Variants in GRM1 observed in about 807,000 individuals in gnomAD.
GRM1 encodes metabotropic glutamate receptor 1.
A neutral mutation model predicts 90.9 loss-of-function variants in GRM1; 33 were observed. The observed-to-expected ratio is 0.36, with a 90% CI of 0.28 to 0.49. The LOEUF is 0.49. Ranked by LOEUF, GRM1 falls within the 20% of genes least tolerant of loss-of-function variation. The pLI, the probability that GRM1 is intolerant of heterozygous loss-of-function variation, is 0.99. For synonymous variants in GRM1, 700 were observed against 613.2 expected (o/e 1.14, Z -2.09); for missense variants, 1,190 against 1,534.3 (o/e 0.78, Z 3.75).
chr6:146,131,364 C>T (rs1776391387), intron 1 of GRM1, among the ~76,000 whole-genome samples: 1 of 151,868 alleles, frequency 6.6e-6, no homozygotes, highest in African/African-American at 2.4e-5. Flanking sequence ...GGTGTTATCC[C>T]CAAAATTAGG....
At chr6:146,139,460 T>A (rs1776751732) in intron 1 of GRM1, among the ~76,000 whole-genome samples, 1 of 152,188 alleles carries the variant, frequency 6.6e-6, no homozygotes, top group African/African-American at 2.4e-5. Flanking sequence ...TCTCTTTAGC[T>A]CTAATAACAT....
At chr6:146,376,681 T>C (rs1230170641) in intron 5 of GRM1, among the ~76,000 whole-genome samples, 1 of 152,168 alleles carries the variant, frequency 6.6e-6, no homozygotes, top group Non-Finnish European at 1.5e-5. Flanking sequence ...GTTGTTTCTT[T>C]GCTCTTGCTA....
chr6:146,225,146 CT>C (rs1352465371), intron 2 of GRM1, among the ~76,000 whole-genome samples: 1 of 152,150 alleles, frequency 6.6e-6, no homozygotes, highest in Non-Finnish European at 1.5e-5. Context: ...TGACCGATAT[CT>C]GGTCCACGGG....
chr6:146,049,651 A>ATATCTATC (rs143624231), intron 1 of GRM1, among the ~76,000 whole-genome samples: 2,092 of 147,562 alleles, frequency 0.014, 27 homozygotes, highest in Middle Eastern at 0.028. Flanking sequence ...ACCTCCTTTC[A>ATATCTATC]TATCTATCTA....
intron 2 of GRM1, among the ~76,000 whole-genome samples, chr6:146,286,280 G>A (rs1026982962): frequency 6.6e-6 from 1 of 151,950 alleles, no homozygotes; most frequent in African/African-American, 2.4e-5. Context: ...AAGAAAACTC[G>A]ATACATATAA....
intron 2 of GRM1, among the ~76,000 whole-genome samples, chr6:146,247,441 T>G (rs1020017818): frequency 2.9e-4 from 44 of 152,160 alleles, no homozygotes; most frequent in Admixed American, 1.6e-3. Flanking sequence ...GAATCAATGT[T>G]AAAGCAGTTT....
chr6:146,387,014 C>T lies in GRM1; in HGVS notation c.1727C>T (p.Thr576Ile), dbSNP rs760106769. The change falls in exon 6 of 8, where the codon ACA becomes ATA. Residue 576 changes from threonine (T) to isoleucine (I), a missense_variant and splice_region_variant. Coordinates refer to ENST00000282753, the MANE Select transcript of GRM1 (RefSeq NM_001278064.2). ...GGATGGTGGCCCAATGCAGATCTAA[C>T]AGGTAGGAACTGCCTCACTTGGAAA... Reference protein sequence around the residue: ...DLGWWPNADLTGCEPIPVRYL... With the variant: ...DLGWWPNADLIGCEPIPVRYL... 23 of 1,612,928 alleles carry T rather than the reference C, an allele frequency of 1.4e-5. No homozygotes were observed. The highest frequency in any genetic ancestry group is 1.9e-5 in the Non-Finnish European group (22 of 1,179,084).
intron 1 of GRM1, among the ~76,000 whole-genome samples, chr6:146,086,159 A>G (rs780229572): frequency 6.6e-6 from 1 of 152,106 alleles, no homozygotes; most frequent in Non-Finnish European, 1.5e-5. Flanking sequence ...TTTGGAAATG[A>G]TTACCAAGGA....
intron 1 of GRM1, among the ~76,000 whole-genome samples, chr6:146,150,797 A>G (rs1777296124): frequency 6.6e-6 from 1 of 152,186 alleles, no homozygotes; most frequent in African/African-American, 2.4e-5. Context: ...GAGTGAGAAT[A>G]TGCAATACTT....
chr6:146,038,876 T>G lies in GRM1; in HGVS notation c.700+8659T>G, dbSNP rs376250130. Among the ~76,000 whole-genome samples, 17 of 152,134 alleles carry G rather than the reference T, an allele frequency of 1.1e-4. No individual in the cohort carries two copies. The South Asian group carries it at 3.5e-3, about 32-fold the overall frequency. ...AGAGAAAAAAACTTTATGAAAGATT[T>G]TAAAAGGTTATATCAGGATATTGAA... is the stretch of plus-strand genomic sequence containing the variant. On this transcript the variant is annotated intron_variant, in intron 1 of 7. Transcript: ENST00000282753.
At chr6:146,211,229 A>C (rs1443019147) in intron 2 of GRM1, among the ~76,000 whole-genome samples, 2 of 152,064 alleles carry the variant, frequency 1.3e-5, no homozygotes, top group Non-Finnish European at 2.9e-5. Flanking sequence ...TCTTTGGCCC[A>C]GAGAGTTTTT....
chr6:146,172,040 G>T (rs150771062), intron 2 of GRM1, among the ~76,000 whole-genome samples: 2 of 151,910 alleles, frequency 1.3e-5, no homozygotes, highest in African/African-American at 4.8e-5. Context: ...GGTGGCAGAA[G>T]AGACAATAGA....
intron 1 of GRM1, among the ~76,000 whole-genome samples, chr6:146,079,577 C>T (rs939582296): frequency 6.6e-6 from 1 of 152,148 alleles, no homozygotes; most frequent in Admixed American, 6.6e-5. Context: ...TTTTCTTTAA[C>T]TCTATGAGAG....
chr6:146,426,288 A>G (rs932248184), intron 7 of GRM1, among the ~76,000 whole-genome samples: 11 of 152,058 alleles, frequency 7.2e-5, no homozygotes, highest in Non-Finnish European at 1.5e-4. Context: ...CAGTGGAGGG[A>G]AAGAGCAAAC....
At chr6:146,397,484 G>GAAAAAAAAAAAAA (rs577471775) in intron 6 of GRM1, among the ~76,000 whole-genome samples, 6 of 45,028 alleles carry the variant, frequency 1.3e-4, no homozygotes, top group Admixed American at 2.7e-4. Flanking sequence ...AAAAAAAAAA[G>GAAAAAAAAAAAAA]AAAAAAAAAA....
intron 1 of GRM1, among the ~76,000 whole-genome samples, chr6:146,088,218 T>A (rs1776609340): frequency 6.6e-6 from 1 of 152,150 alleles, no homozygotes; most frequent in Admixed American, 6.6e-5. Flanking sequence ...TGTGCTTATA[T>A]TTTATGTGTA....
At chr6:146,378,768 C>T (rs1388256174) in intron 5 of GRM1, among the ~76,000 whole-genome samples, 3 of 152,060 alleles carry the variant, frequency 2.0e-5, no homozygotes, top group African/African-American at 7.2e-5. Context: ...GTTGAGAAGG[C>T]ATAATAGGTC....
intron 1 of GRM1, among the ~76,000 whole-genome samples, chr6:146,035,984 A>G (rs556186748): frequency 3.4e-4 from 51 of 152,110 alleles, no homozygotes; most frequent in African/African-American, 1.2e-3. Flanking sequence ...ATCTTGCTGC[A>G]AATTTTATAA....
At chr6:146,095,703 T>A (rs948419636) in intron 1 of GRM1, among the ~76,000 whole-genome samples, 1 of 152,122 alleles carries the variant, frequency 6.6e-6, no homozygotes, top group Non-Finnish European at 1.5e-5. Flanking sequence ...AGGGTAGGTT[T>A]CAATAAATGT....
Sources: allele counts gnomAD v4.1 joint callset (sites outside exome capture counted in the v4.1 genomes callset), GRCh38; gene constraint gnomAD v4.1.1; transcripts MANE v1.5; gene names NCBI Gene and HGNC (gene_info 2026-07-23, HGNC 2026-07-21).